PTPN14: variants seen among roughly 807,000 people sequenced by gnomAD.
PTPN14 encodes the protein protein tyrosine phosphatase non-receptor type 14.
A neutral mutation model predicts 126.8 loss-of-function variants in PTPN14; 53 were observed. The observed-to-expected ratio is 0.42, with a 90% CI of 0.34 to 0.53. The LOEUF is 0.53. PTPN14 is among the 20% of genes least tolerant of loss of function. The pLI, the probability that PTPN14 is intolerant of heterozygous loss-of-function variation, is 0.08. For synonymous variants in PTPN14, 630 were observed against 599.3 expected (o/e 1.05, Z -0.75); for missense variants, 1,257 against 1,552.9 (o/e 0.81, Z 3.20).
intron 3 of PTPN14, among the ~76,000 whole-genome samples, chr1:214,450,551 A>G (rs1660252543): frequency 6.6e-6 from 1 of 152,192 alleles, no homozygotes; most frequent in Non-Finnish European, 1.5e-5. Flanking sequence ...AAAAATTTCA[A>G]GAGCATCCTT....
At chr1:214,405,414 C>A (rs563487323) in intron 5 of PTPN14, among the ~76,000 whole-genome samples, 1 of 152,044 alleles carries the variant, frequency 6.6e-6, no homozygotes, top group South Asian at 2.1e-4. Flanking sequence ...CTTAAGGGGC[C>A]TATCATAGGG....
rs1452901945 is a variant in PTPN14, at chr1:214,350,592, G to A, written c.*7330C>T. 1.4e-5 allele frequency: 2 copies of A among 139,852 alleles called. No individual in the cohort carries two copies. Among genetic ancestry groups the A allele is most frequent in the African/African-American group, 5.4e-5 (2 of 37,046 alleles). The allele number at this position is 139,852 out of a possible 1,614,324, so 8.7% of individuals were successfully genotyped here. A position where few individuals can be genotyped will look rare whatever the true frequency, so the allele number is the denominator to read the frequency against. ...GTCTCACTCTGTTGCCCAGGCTGGAGTGCAGTGGCATGATCTCGGCTCACT... is the reference window on the plus strand; with the variant it reads ...GTCTCACTCTGTTGCCCAGGCTGGAATGCAGTGGCATGATCTCGGCTCACT... On this transcript the variant is annotated 3_prime_UTR_variant, in exon 19 of 19. Coordinates refer to ENST00000366956, the MANE Select transcript of PTPN14 (RefSeq NM_005401.5).
intron 1 of PTPN14, among the ~76,000 whole-genome samples, chr1:214,468,449 G>A (rs1660687659): frequency 1.3e-5 from 2 of 152,004 alleles, no homozygotes; most frequent in Admixed American, 6.6e-5. Context: ...CCAGCTACTC[G>A]GGAGGCTGAG....
At chr1:214,514,568 TCC>T (rs1655053674) in intron 1 of PTPN14, among the ~76,000 whole-genome samples, 3 of 129,046 alleles carry the variant, frequency 2.3e-5, no homozygotes, top group Admixed American at 1.4e-4. Flanking sequence ...ACAGTCTGAT[TCC>T]CTGAGCCTGG....
chr1:214,373,117 C>T (rs796353390), intron 15 of PTPN14, among the ~76,000 whole-genome samples: 38 of 152,282 alleles, frequency 2.5e-4, no homozygotes, highest in African/African-American at 7.7e-4. Context: ...TACAGTGGCA[C>T]GATCTTGGCT....
chr1:214,393,838 T>A, intron 9 of PTPN14, 61 bp from the exon 10 acceptor site: 1 of 1,351,444 alleles, frequency 7.4e-7, no homozygotes, highest in Non-Finnish European at 1.1e-6. Context: ...TACATTTCAT[T>A]AAGATTCTTC....
At chr1:214,466,242 G>A (rs1461039529) in intron 1 of PTPN14, among the ~76,000 whole-genome samples, 1 of 150,678 alleles carries the variant, frequency 6.6e-6, no homozygotes, top group Non-Finnish European at 1.5e-5. Flanking sequence ...GGTTACAAGC[G>A]TGAGCCAACG....
At chr1:214,477,727 C>G (rs1660897923) in intron 1 of PTPN14, among the ~76,000 whole-genome samples, 1 of 152,156 alleles carries the variant, frequency 6.6e-6, no homozygotes, top group Non-Finnish European at 1.5e-5. Flanking sequence ...TGTAAGCACA[C>G]TAAGGAACAA....
intron 6 of PTPN14, among the ~76,000 whole-genome samples, chr1:214,402,466 A>G (rs1659046400): frequency 6.9e-6 from 1 of 144,560 alleles, no homozygotes; most frequent in African/African-American, 2.6e-5. Context: ...AAAAGCCACG[A>G]TGAGAGAACT....
intron 18 of PTPN14, among the ~76,000 whole-genome samples, chr1:214,359,212 T>C (rs1277706679): frequency 6.6e-6 from 1 of 151,536 alleles, no homozygotes; most frequent in Non-Finnish European, 1.5e-5. Flanking sequence ...GAGAACACTT[T>C]TTTTCTTTTT....
At chr1:214,422,620 T>C (rs12740482) in intron 3 of PTPN14, among the ~76,000 whole-genome samples, 6,859 of 152,326 alleles carry the variant, frequency 0.045, 195 homozygotes, top group Non-Finnish European at 0.067. Context: ...TCTGTCTTCC[T>C]GGTAAACGGC....
intron 3 of PTPN14, among the ~76,000 whole-genome samples, chr1:214,416,769 G>A (rs1371748305): frequency 6.6e-6 from 1 of 152,176 alleles, no homozygotes; most frequent in Non-Finnish European, 1.5e-5. Flanking sequence ...AAACCACTTT[G>A]AAAATTGTTT....
At position 214,383,715 on chromosome 1, in the gene PTPN14, C is replaced by A; in HGVS notation, c.2140G>T (p.Glu714Ter). 1 of 1,613,522 alleles carries A rather than the reference C, an allele frequency of 6.2e-7. No homozygotes were observed. Among genetic ancestry groups the A allele is most frequent in the African/African-American group, 1.3e-5 (1 of 75,066 alleles). Residue 714 changes from glutamate to a stop codon, truncating the protein, a stop_gained, in exon 13 of 19, where the codon GAG becomes TAG. Transcript: ENST00000366956. LOFTEE classifies it high-confidence loss of function. This position sits in a 1 kb window ranked among gnomAD's most constrained non-coding sequence, Gnocchi z 4.4. ...GGCACCGATTCTGGAGCCTCCTCCT[C>A]CTCCTCCTCACTCTCGCTGCTGTGG... is the stretch of plus-strand genomic sequence containing the variant. ...LIHSSESEEEEEEAPESVPQI... is the reference protein window; with the variant it reads ...LIHSSESEEE
At chr1:214,399,958 A>T (rs780614372) in intron 7 of PTPN14, among the ~76,000 whole-genome samples, 137 of 148,836 alleles carry the variant, frequency 9.2e-4, no homozygotes, top group African/African-American at 1.9e-3. Context: ...AGCAAAATTT[A>T]AAAAAAAATA....
At chr1:214,501,326 G>A (rs889583793) in intron 1 of PTPN14, among the ~76,000 whole-genome samples, 3 of 151,958 alleles carry the variant, frequency 2.0e-5, no homozygotes, top group South Asian at 2.1e-4. Flanking sequence ...TGCAACCTCC[G>A]CCTCCCAGGT....
intron 6 of PTPN14, among the ~76,000 whole-genome samples, chr1:214,402,403 G>A (rs1371866967): frequency 8.2e-6 from 1 of 121,874 alleles, no homozygotes; most frequent in Non-Finnish European, 1.6e-5. Flanking sequence ...TCGCACCACT[G>A]CACTCCAGCC....
chr1:214,367,251 C>T (rs1658103640), intron 17 of PTPN14, among the ~76,000 whole-genome samples: 1 of 152,114 alleles, frequency 6.6e-6, no homozygotes, highest in Admixed American at 6.6e-5. Flanking sequence ...AAGGTCACTG[C>T]CCTTATTTCA....
chr1:214,364,596 G>A lies in PTPN14; in HGVS notation c.3351C>T (p.Ile1117=), dbSNP rs777149165. The change falls in exon 18 of 19, where the codon ATC becomes ATT. Residue 1117 remains isoleucine (I), a synonymous_variant. Transcript: ENST00000366956. This position sits in a 1 kb window ranked among gnomAD's most constrained non-coding sequence, Gnocchi z 4.1. ...LEGTKNRHPP[I]VVHCSAGVGR... ...CCACCCCAGCACTACAGTGGACCAC[G>A]ATGGGCGGGTGCCGGTTCTTGGTGC... The A allele has an allele frequency of 5.0e-6, 8 of 1,614,086 alleles. No homozygotes were observed. Among genetic ancestry groups the A allele is most frequent in the African/African-American group, 2.7e-5 (2 of 75,032 alleles).
At chr1:214,492,925 G>A (rs1661283444) in intron 1 of PTPN14, among the ~76,000 whole-genome samples, 2 of 152,048 alleles carry the variant, frequency 1.3e-5, no homozygotes, top group African/African-American at 4.8e-5. Flanking sequence ...AAAGAATGCG[G>A]CAGAATTCAC....
Sources: allele counts gnomAD v4.1 joint callset (sites outside exome capture counted in the v4.1 genomes callset), GRCh38; gene constraint gnomAD v4.1.1; non-coding constraint Gnocchi (gnomAD v3.1); transcripts MANE v1.5; gene names NCBI Gene and HGNC (gene_info 2026-07-23, HGNC 2026-07-21).